Variants in CDON observed in about 807,000 individuals in gnomAD.
The protein encoded by CDON is cell adhesion molecule-related/down-regulated by oncogenes.
A neutral mutation model predicts 120.9 loss-of-function variants in CDON; 73 were observed. The ratio of observed to expected loss-of-function variants is 0.60; its 90% CI spans 0.50 to 0.73. CDON has a LOEUF of 0.73. CDON is among the 30% of genes least tolerant of loss of function. CDON has a pLI of 0.00. For synonymous variants in CDON, 566 were observed against 573.5 expected (o/e 0.99, Z 0.19); for missense variants, 1,470 against 1,587.3 (o/e 0.93, Z 1.26).
chr11:126,061,732 A>T (rs1466544450), intron 1 of CDON, among the ~76,000 whole-genome samples: 1 of 152,224 alleles, frequency 6.6e-6, no homozygotes, highest in African/African-American at 2.4e-5. Context: ...TTGGGACACA[A>T]AGGCTGACTT....
At chr11:125,977,405 GA>G (rs1313651486) in intron 18 of CDON, among the ~76,000 whole-genome samples, 1 of 152,168 alleles carries the variant, frequency 6.6e-6, no homozygotes, top group Non-Finnish European at 1.5e-5. Context: ...AACTCCCAGA[GA>G]CAACTCTTAA....
chr11:126,060,644 G>A (rs978779370), intron 1 of CDON, among the ~76,000 whole-genome samples: 4 of 152,046 alleles, frequency 2.6e-5, no homozygotes, highest in Non-Finnish European at 4.4e-5. Flanking sequence ...AGTCATGAAG[G>A]CAGATGGGCG....
chr11:126,045,879 A>C (rs942214778), intron 1 of CDON, among the ~76,000 whole-genome samples: 4 of 152,122 alleles, frequency 2.6e-5, no homozygotes, highest in African/African-American at 7.2e-5. Context: ...CTGAGGCAGG[A>C]TAATTGCTTA....
At chr11:126,053,840 A>G (rs753037847) in intron 1 of CDON, among the ~76,000 whole-genome samples, 1 of 152,046 alleles carries the variant, frequency 6.6e-6, no homozygotes, top group Non-Finnish European at 1.5e-5. Flanking sequence ...TCCAGCTGAA[A>G]CCACGCTCAC....
intron 7 of CDON, among the ~76,000 whole-genome samples, chr11:126,011,611 C>T (rs1051697591): frequency 1.3e-5 from 2 of 152,166 alleles, no homozygotes; most frequent in Non-Finnish European, 2.9e-5. Flanking sequence ...TCTGTATATA[C>T]TAGATTCTGT....
intron 11 of CDON, among the ~76,000 whole-genome samples, chr11:125,998,788 A>C (rs190463571): frequency 6.6e-6 from 1 of 152,334 alleles, no homozygotes; most frequent in African/African-American, 2.4e-5. Flanking sequence ...CTGGATAGAC[A>C]TGAGCCGGTT....
intron 14 of CDON, among the ~76,000 whole-genome samples, chr11:125,993,263 G>A (rs1946680848): frequency 6.6e-6 from 1 of 152,088 alleles, no homozygotes; most frequent in Admixed American, 6.6e-5. Context: ...TGTAGGGGCT[G>A]GACATAGCAG....
intron 18 of CDON, among the ~76,000 whole-genome samples, chr11:125,969,163 T>TG (rs1945887817): frequency 6.6e-6 from 1 of 152,202 alleles, no homozygotes; most frequent in South Asian, 2.1e-4. Context: ...CATGCCCAGC[T>TG]AATTTTGTAT....
chr11:126,039,453 A>C (rs919530011), intron 1 of CDON, among the ~76,000 whole-genome samples: 9 of 152,246 alleles, frequency 5.9e-5, no homozygotes, highest in Non-Finnish European at 8.8e-5. Flanking sequence ...TTCAGTATAA[A>C]TGCAGCTTAA....
chr11:126,031,265 G>GT (rs2134757039), intron 1 of CDON, among the ~76,000 whole-genome samples: 1 of 152,318 alleles, frequency 6.6e-6, no homozygotes, highest in Non-Finnish European at 1.5e-5. Flanking sequence ...CATGTGACAA[G>GT]TAAGGAAGCA....
chr11:125,977,299 T>C (rs986208914), intron 18 of CDON, among the ~76,000 whole-genome samples: 3 of 152,246 alleles, frequency 2.0e-5, no homozygotes, highest in Non-Finnish European at 4.4e-5. Context: ...CAAGAAGCTC[T>C]GTTGCTTTTG....
chr11:126,044,064 A>G (rs1948337030), intron 1 of CDON, among the ~76,000 whole-genome samples: 1 of 152,232 alleles, frequency 6.6e-6, no homozygotes, highest in East Asian at 1.9e-4. Context: ...AGTTTGAAAC[A>G]GGTAAAAAGA....
intron 1 of CDON, among the ~76,000 whole-genome samples, chr11:126,041,731 C>T (rs1240836530): frequency 2.6e-5 from 4 of 152,336 alleles, no homozygotes; most frequent in Middle Eastern, 3.4e-3. Context: ...CTCTTGCCAA[C>T]ACTTTTTAAG....
At position 126,017,248 on chromosome 11, in the gene CDON, T is replaced by C. The variant is rs1212991485; in HGVS notation, c.768A>G (p.Leu256=). 1.9e-6 allele frequency: 3 copies of C among 1,614,000 alleles called. No individual in the cohort carries two copies. The highest frequency in any genetic ancestry group is 1.1e-5 in the South Asian group (1 of 91,084). The change falls in exon 6 of 20, where the codon CTA becomes CTG. Residue 256 remains leucine, a synonymous_variant. Transcript: ENST00000531738. ...SGVPAPQVYW[L]KDGQDIAPGS... is the part of the protein sequence containing the mutation. ...CTGGTGCAATGTCCTGCCCGTCCTT[T>C]AGCCAATACACTTGAGGAGCCGGGA...
chr11:125,989,593 T>A (rs779657567), intron 15 of CDON, 44 bp downstream of exon 15: 6 of 1,584,900 alleles, frequency 3.8e-6, no homozygotes, highest in Non-Finnish European at 5.2e-6. Context: ...TAATCCAGGG[T>A]TGGAATTCTA....
intron 10 of CDON, 74 bp downstream of exon 10, chr11:126,003,827 AT>A (rs1298593558): frequency 5.0e-6 from 7 of 1,406,002 alleles, no homozygotes; most frequent in African/African-American, 2.8e-5. Context: ...CTCAAAAAAA[AT>A]AAATTAATAA....
intron 16 of CDON, 108 bp from the exon 17 acceptor site, chr11:125,981,437 CGCACACAG>C: frequency 9.3e-7 from 1 of 1,076,790 alleles, no homozygotes; most frequent in South Asian, 1.5e-5. Context: ...CACGCACACA[CGCACACAG>C]TAAGACACTA....
intron 18 of CDON, among the ~76,000 whole-genome samples, chr11:125,969,659 A>AT (rs1234846348): frequency 6.6e-6 from 1 of 152,226 alleles, no homozygotes; most frequent in African/African-American, 2.4e-5. Flanking sequence ...ATGGAGCTCT[A>AT]TGCATCTTGC....
chr11:125,979,380 C>T lies in CDON; in HGVS notation c.3277-997G>A, dbSNP rs149225096. On this transcript the variant is annotated intron_variant, in intron 17 of 19. Coordinates refer to ENST00000531738, the MANE Select transcript of CDON (RefSeq NM_001378964.1). ...TATCGAGAGAAAGAACTCTCCTATA[C>T]TATATTCCATCTGAGGGAAAACCTG... Among the ~76,000 whole-genome samples the T allele has an allele frequency of 1.2e-3, 183 of 152,270 alleles. 1 individual carries two copies. The highest frequency in any genetic ancestry group is 4.2e-3 in the African/African-American group (175 of 41,556).
Sources: gnomAD v4.1 joint callset for allele counts (sites outside exome capture counted in the v4.1 genomes callset) on GRCh38, gnomAD v4.1.1 for gene constraint, MANE v1.5 for transcripts, NCBI Gene and HGNC (gene_info 2026-07-23, HGNC 2026-07-21) for gene names.